Variants in FSD1L observed in about 807,000 individuals in gnomAD.
FSD1L encodes the protein FSD1-like protein.
In FSD1L, 45 loss-of-function variants were observed where a neutral mutation model predicts 71.6. The ratio of observed to expected loss-of-function variants is 0.63; its 90% CI spans 0.49 to 0.81. FSD1L has a LOEUF of 0.81. FSD1L is among the 30% of genes least tolerant of loss of function. The probability of loss-of-function intolerance (pLI) is 0.00; values close to 1 mark genes in which losing one functional copy is unlikely to be tolerated. For missense variants in FSD1L, 561 were observed against 618.1 expected (o/e 0.91, Z 0.98); for synonymous variants, 197 against 207.2 (o/e 0.95, Z 0.42).
intron 10 of FSD1L, among the ~76,000 whole-genome samples, chr9:105,527,636 A>G (rs1396897704): frequency 6.6e-6 from 1 of 152,048 alleles, no homozygotes; most frequent in East Asian, 1.9e-4. Context: ...TTCACGTAGT[A>G]TCTATAATTT....
chr9:105,509,097 C>T (rs577590750), intron 9 of FSD1L, among the ~76,000 whole-genome samples: 2 of 152,236 alleles, frequency 1.3e-5, no homozygotes, highest in South Asian at 4.1e-4. Context: ...CTCTGTTTTC[C>T]TGTATCTTAT....
intron 7 of FSD1L, among the ~76,000 whole-genome samples, chr9:105,485,770 A>G (rs555706035): frequency 3.5e-4 from 53 of 151,822 alleles, no homozygotes; most frequent in African/African-American, 1.3e-3. Context: ...CAGCCTCCCA[A>G]GTAGCTGGGA....
At position 105,468,200 on chromosome 9, in the gene FSD1L, C is replaced by T. The variant is rs755605135; in HGVS notation, c.215C>T (p.Ser72Leu). ...HHTLKGVQEN[S>L]SNILSELDEE... The stretch of plus-strand genomic sequence containing the variant: ...GTTTTGTTTTTTAAACAGGAAAATT[C>T]GTCCAACATACTCTCAGAGTTAGAT... The change falls in exon 4 of 14, where the codon TCG (serine) becomes TTG (leucine). Residue 72 changes from serine to leucine, a missense_variant. By Grantham distance (145) the Ser-to-Leu change is moderately radical. Coordinates refer to ENST00000481272, the MANE Select transcript of FSD1L (RefSeq NM_001145313.3). 2.9e-6 allele frequency: 4 copies of T among 1,391,420 alleles called. No homozygotes were observed. The highest frequency in any genetic ancestry group is 3.1e-5 in the East Asian group (1 of 32,648). The allele number at this position is 1,391,420 out of a possible 1,614,324, so 86.2% of individuals were successfully genotyped here. A position where few individuals can be genotyped will look rare whatever the true frequency, so the allele number is the denominator to read the frequency against.
chr9:105,545,737 C>T (rs1468192157), intron 13 of FSD1L, among the ~76,000 whole-genome samples: 4 of 152,062 alleles, frequency 2.6e-5, no homozygotes, highest in South Asian at 4.2e-4. Flanking sequence ...TATTGGTTTG[C>T]GTATGTTGAA....
chr9:105,546,140 T>G lies in FSD1L; in HGVS notation c.1468-218T>G, dbSNP rs187480874. On this transcript the variant is annotated intron_variant, in intron 13 of 13. Coordinates refer to ENST00000481272, the MANE Select transcript of FSD1L (RefSeq NM_001145313.3). ...TTCCTTCTCTTGGGTGCAGCTTCAG[T>G]TGGTTCTGCTACCACCAAGACCTCC... is the stretch of plus-strand genomic sequence containing the variant. 3.2e-3 allele frequency among the ~76,000 whole-genome samples: 492 copies of G among 152,188 alleles called. 4 individuals are homozygous for G. The highest frequency in any genetic ancestry group is 4.8e-3 in the Non-Finnish European group (324 of 67,970).
intron 5 of FSD1L, among the ~76,000 whole-genome samples, chr9:105,474,301 T>C (rs1328420991): frequency 6.6e-6 from 1 of 152,216 alleles, no homozygotes; most frequent in African/African-American, 2.4e-5. Context: ...ATTATAATTT[T>C]ATGGGAGCAC....
intron 13 of FSD1L, among the ~76,000 whole-genome samples, chr9:105,540,061 C>T (rs1043987337): frequency 6.6e-6 from 1 of 151,882 alleles, no homozygotes; most frequent in African/African-American, 2.4e-5. Context: ...GTAAAATTGC[C>T]GGTTTTCTGA....
At chr9:105,479,313 A>C (rs2131681005) in intron 5 of FSD1L, 41 bp from the exon 6 acceptor site, 1 of 1,546,462 alleles carries the variant, frequency 6.5e-7, no homozygotes, top group Non-Finnish European at 8.7e-7. Context: ...CATGAAAAGC[A>C]CTAACTTGCC....
chr9:105,469,125 T>G (rs1222115775), intron 4 of FSD1L, among the ~76,000 whole-genome samples: 1 of 152,232 alleles, frequency 6.6e-6, no homozygotes, highest in Non-Finnish European at 1.5e-5. Context: ...TGAATAATAT[T>G]CCACTTATGT....
intron 10 of FSD1L, chr9:105,525,268 A>G (rs1835435074): frequency 3.1e-6 from 5 of 1,607,484 alleles, no homozygotes; most frequent in Non-Finnish European, 4.2e-6. Flanking sequence ...TTGGGATACA[A>G]TAAGAGATGA....
At chr9:105,468,597 C>T (rs940618887) in intron 4 of FSD1L, among the ~76,000 whole-genome samples, 9 of 151,654 alleles carry the variant, frequency 5.9e-5, no homozygotes, top group Middle Eastern at 3.4e-3. Flanking sequence ...CAGGTTCAGG[C>T]GATTCTCCTG....
chr9:105,492,519 A>C (rs1589003329), intron 7 of FSD1L, among the ~76,000 whole-genome samples: 2 of 151,870 alleles, frequency 1.3e-5, no homozygotes, highest in South Asian at 4.1e-4. Flanking sequence ...CTTTGATTTT[A>C]GTTATTTCTT....
At chr9:105,514,322 G>C (rs878925335) in intron 10 of FSD1L, among the ~76,000 whole-genome samples, 7 of 152,120 alleles carry the variant, frequency 4.6e-5, no homozygotes, top group Admixed American at 4.6e-4. Context: ...ATGATTTAAG[G>C]TTATATTATT....
chr9:105,522,565 A>G, intron 10 of FSD1L: 1 of 1,613,496 alleles, frequency 6.2e-7, no homozygotes, highest in African/African-American at 1.3e-5. Context: ...AGAGTCAGAC[A>G]TTTTTCACAA....
intron 13 of FSD1L, among the ~76,000 whole-genome samples, chr9:105,540,875 C>T (rs905629723): frequency 2.0e-5 from 3 of 152,124 alleles, no homozygotes; most frequent in Admixed American, 2.0e-4. Flanking sequence ...TTTTCCAACT[C>T]ATAACCTTCT....
At chr9:105,538,002 G>A (rs1370083780) in intron 12 of FSD1L, among the ~76,000 whole-genome samples, 6 of 152,198 alleles carry the variant, frequency 3.9e-5, no homozygotes, top group Non-Finnish European at 7.3e-5. Context: ...GTTCCAGCCA[G>A]TGTGATCAAG....
chr9:105,491,835 C>T (rs1321670842), intron 7 of FSD1L, among the ~76,000 whole-genome samples: 1 of 152,128 alleles, frequency 6.6e-6, no homozygotes, highest in Non-Finnish European at 1.5e-5. Flanking sequence ...AGCCTTGCAT[C>T]CCAGGGATGA....
In FSD1L at chr9:105,448,076, C is replaced by T. The variant is rs1428609612; in HGVS notation, c.-145C>T. 3 of 921,290 alleles carry T rather than the reference C, an allele frequency of 3.3e-6. No individual in the cohort carries two copies. The African/African-American group carries it at 5.3e-5, about 16-fold the overall frequency. 57.1% of individuals were successfully genotyped at this position (921,290 alleles called of 1,614,324 possible). On this transcript the variant is annotated 5_prime_UTR_variant, in exon 1 of 14. Transcript: ENST00000481272. The stretch of plus-strand genomic sequence containing the variant: ...GCGGCGTGACTACGGCGCGCGCGGT[C>T]TGGGCGCGGACGGGTGGGGCCGGGC...
intron 3 of FSD1L, among the ~76,000 whole-genome samples, chr9:105,466,750 T>C (rs1397819899): frequency 1.3e-5 from 2 of 152,204 alleles, no homozygotes; most frequent in East Asian, 1.9e-4. Context: ...GGAAAATTGG[T>C]GAATCAGCTT....
Sources: allele counts gnomAD v4.1 joint callset (sites outside exome capture counted in the v4.1 genomes callset), GRCh38; gene constraint gnomAD v4.1.1; transcripts MANE v1.5; gene names NCBI Gene and HGNC (gene_info 2026-07-23, HGNC 2026-07-21).